The following CSMD1 variants were observed in gnomAD, a reference collection of about 807,000 sequenced individuals.
CSMD1 encodes the protein CUB and Sushi multiple domains 1.
A neutral mutation model predicts 417.5 loss-of-function variants in CSMD1; 213 were observed. That is an observed-to-expected ratio of 0.51 (90% CI 0.46 to 0.57). CSMD1 has a LOEUF of 0.57. Ranked by LOEUF, CSMD1 falls within the 20% of genes least tolerant of loss-of-function variation. The pLI, the probability that CSMD1 is intolerant of heterozygous loss-of-function variation, is 0.00. For synonymous variants in CSMD1, 2,862 were observed against 1,736.8 expected (o/e 1.65, Z -16.11); for missense variants, 6,923 against 4,529.7 (o/e 1.53, Z -15.17).
At chr8:4,329,451 C>G (rs550710415) in intron 3 of CSMD1, among the ~76,000 whole-genome samples, 12 of 152,104 alleles carry the variant, frequency 7.9e-5, no homozygotes, top group South Asian at 2.1e-4. Flanking sequence ...AGCACACTGG[C>G]TAATTTTTGT....
chr8:3,735,704 C>T (rs563168909), intron 6 of CSMD1, among the ~76,000 whole-genome samples: 1 of 152,172 alleles, frequency 6.6e-6, no homozygotes, highest in Admixed American at 6.6e-5. Flanking sequence ...GGATTAAATT[C>T]ATGGACAACA....
intron 1 of CSMD1, among the ~76,000 whole-genome samples, chr8:4,992,932 G>A (rs544526608): frequency 2.0e-4 from 31 of 152,330 alleles, no homozygotes; most frequent in African/African-American, 5.3e-4. Context: ...ATGCCGGTGA[G>A]GAGGAGCTGG....
chr8:4,274,951 C>A (rs1030118071), intron 3 of CSMD1, among the ~76,000 whole-genome samples: 1 of 152,136 alleles, frequency 6.6e-6, no homozygotes, highest in Non-Finnish European at 1.5e-5. Context: ...TGAGAGCCAT[C>A]AACAAACATG....
At chr8:4,573,336 A>G (rs1336372905) in intron 2 of CSMD1, among the ~76,000 whole-genome samples, 1 of 152,044 alleles carries the variant, frequency 6.6e-6, no homozygotes, top group Non-Finnish European at 1.5e-5. Flanking sequence ...TGTTGACGCT[A>G]TTCCTCTCTG....
At chr8:3,189,891 C>G in intron 34 of CSMD1, 21 bp downstream of exon 34, 2 of 1,551,954 alleles carry the variant, frequency 1.3e-6, no homozygotes, top group African/African-American at 1.4e-5. Context: ...TGGCGGGCAG[C>G]CGCTTAGGGA....
At chr8:4,787,418 A>G in intron 1 of CSMD1, 1 of 750,874 alleles carries the variant, frequency 1.3e-6, no homozygotes, top group East Asian at 2.5e-5. Context: ...CCTGCAGTCC[A>G]AGGACAAGAT....
chr8:3,238,081 C>G (rs1007515761), intron 26 of CSMD1, among the ~76,000 whole-genome samples: 1 of 151,400 alleles, frequency 6.6e-6, no homozygotes, highest in African/African-American at 2.4e-5. Context: ...GGGCTGAGTC[C>G]GAAAAGAGAG....
chr8:3,313,663 C>G (rs1217903777), intron 23 of CSMD1, among the ~76,000 whole-genome samples: 2 of 152,178 alleles, frequency 1.3e-5, no homozygotes, highest in African/African-American at 4.8e-5. Flanking sequence ...CACTTTCACA[C>G]TGTTGGTGGG....
At position 3,977,926 on chromosome 8, in the gene CSMD1, C is replaced by T. The variant is rs941547147; in HGVS notation, c.818+19977G>A. Among the ~76,000 whole-genome samples, 4 of 152,156 alleles carry T rather than the reference C, an allele frequency of 2.6e-5. No individual in the cohort carries two copies. In the East Asian group the frequency reaches 7.7e-4, roughly 29 times the overall value. On this transcript the variant is annotated intron_variant, in intron 5 of 69. Coordinates refer to ENST00000635120, the MANE Select transcript of CSMD1 (RefSeq NM_033225.6). ...ACCTCCAATTTCATGTCAGCCACAT[C>T]GTGCCATGGAGAGGTCATGTGCACG...
intron 12 of CSMD1, among the ~76,000 whole-genome samples, chr8:3,428,154 G>A (rs1029929937): frequency 2.0e-5 from 3 of 152,232 alleles, no homozygotes; most frequent in Admixed American, 6.5e-5. Context: ...GGTTTTAGAA[G>A]TTCTAATTTC....
intron 2 of CSMD1, among the ~76,000 whole-genome samples, chr8:4,456,327 T>C (rs1435014103): frequency 5.9e-5 from 9 of 152,080 alleles, no homozygotes; most frequent in African/African-American, 1.7e-4. Context: ...AATAAAAAAA[T>C]TAGTCATAGA....
chr8:4,353,211 A>C (rs1801199972), intron 3 of CSMD1, among the ~76,000 whole-genome samples: 1 of 151,966 alleles, frequency 6.6e-6, no homozygotes, highest in Non-Finnish European at 1.5e-5. Context: ...AGGTGGAGAC[A>C]AGTGAATCAT....
intron 4 of CSMD1, among the ~76,000 whole-genome samples, chr8:4,022,126 A>G (rs1364157428): frequency 1.4e-5 from 2 of 147,274 alleles, no homozygotes; most frequent in Non-Finnish European, 3.0e-5. Context: ...TAGAATATAT[A>G]TATATACATA....
intron 21 of CSMD1, among the ~76,000 whole-genome samples, chr8:3,358,550 G>C (rs562204027): frequency 2.0e-5 from 3 of 152,282 alleles, no homozygotes; most frequent in African/African-American, 7.2e-5. Context: ...ATTCCTGCAT[G>C]TGAGCCTAGT....
At chr8:3,375,665 G>A (rs1055634623) in intron 18 of CSMD1, among the ~76,000 whole-genome samples, 2 of 152,092 alleles carry the variant, frequency 1.3e-5, no homozygotes, top group Non-Finnish European at 2.9e-5. Flanking sequence ...GGAGTAAATT[G>A]GGGCAGTCCA....
At chr8:4,033,373 C>A (rs370017689) in intron 3 of CSMD1, among the ~76,000 whole-genome samples, 2 of 151,960 alleles carry the variant, frequency 1.3e-5, no homozygotes, top group Non-Finnish European at 2.9e-5. Flanking sequence ...ACCCGGGAGG[C>A]GGAGCTTGCG....
intron 5 of CSMD1, among the ~76,000 whole-genome samples, chr8:3,856,580 CTG>C (rs2129103084): frequency 6.6e-6 from 1 of 152,272 alleles, no homozygotes; most frequent in East Asian, 1.9e-4. Flanking sequence ...GTATGGCAGA[CTG>C]TATTCTAATT....
chr8:2,966,780 T>C, intron 57 of CSMD1, 34 bp from the exon 58 acceptor site: 1 of 1,601,988 alleles, frequency 6.2e-7, no homozygotes, highest in Non-Finnish European at 8.5e-7. Flanking sequence ...CCACACACAG[T>C]GAGTGACCCA....
chr8:3,969,361 A>G (rs1812917896), intron 5 of CSMD1, among the ~76,000 whole-genome samples: 1 of 152,200 alleles, frequency 6.6e-6, no homozygotes. Context: ...ACATCACAGA[A>G]TGCTCAGAAG....
Sources: allele counts gnomAD v4.1 joint callset (sites outside exome capture counted in the v4.1 genomes callset), GRCh38; gene constraint gnomAD v4.1.1; transcripts MANE v1.5; gene names NCBI Gene and HGNC (gene_info 2026-07-23, HGNC 2026-07-21).